The following TECTA variants were observed in gnomAD, a reference collection of about 807,000 sequenced individuals.
TECTA encodes the protein alpha-tectorin.
TECTA carries 128 observed loss-of-function variants against 216.8 expected under a neutral mutation model. The observed-to-expected ratio is 0.59, with a 90% CI of 0.51 to 0.68. TECTA has a LOEUF of 0.68. TECTA is among the 30% of genes least tolerant of loss of function. TECTA has a pLI of 0.00. For missense variants in TECTA, 2,551 were observed against 2,786.2 expected (o/e 0.92, Z 1.90); for synonymous variants, 1,089 against 1,117.1 (o/e 0.97, Z 0.50).
chr11:121,172,488 T>G (rs1017702782), intron 20 of TECTA, among the ~76,000 whole-genome samples: 5 of 152,144 alleles, frequency 3.3e-5, no homozygotes, highest in Non-Finnish European at 7.3e-5. Context: ...GATTTCCAAT[T>G]TCATCCATGT....
In TECTA at chr11:121,153,895, C is replaced by T. The variant is rs11606263; in HGVS notation, c.4305+815C>T. ...AGCCCATTCTCTGTTTAAATGATAT[C>T]AAAACCATATGTTGGCAAGTTAGAT... On this transcript the variant is annotated intron_variant, in intron 13 of 23. Coordinates refer to ENST00000392793, the MANE Select transcript of TECTA (RefSeq NM_005422.4). Among the ~76,000 whole-genome samples, 1,321 of 152,274 alleles carry T rather than the reference C, an allele frequency of 8.7e-3. 24 individuals are homozygous for T. The highest frequency in any genetic ancestry group is 0.03 in the African/African-American group (1,251 of 41,544).
chr11:121,137,500 C>T lies in TECTA; in HGVS notation c.3021C>T (p.Pro1007=), dbSNP rs555484808. ...CCTGTGAGACCCTTACCCTGGGCCCCATCTGCGTGGATAGCTGCTCTGAGG... is the reference window on the plus strand; with the variant it reads ...CCTGTGAGACCCTTACCCTGGGCCCTATCTGCGTGGATAGCTGCTCTGAGG... ...TETCETLTLG[P]ICVDSCSEGC... is the part of the protein sequence containing the mutation. Residue 1007 remains proline (P), a synonymous_variant, in exon 11 of 24, where the codon CCC becomes CCT. Transcript: ENST00000392793. 1.1e-5 allele frequency: 17 copies of T among 1,613,964 alleles called. No homozygotes were observed. In the African/African-American group the frequency reaches 1.3e-4, roughly 13 times the overall value.
intron 13 of TECTA, among the ~76,000 whole-genome samples, chr11:121,155,989 T>C (rs1415623274): frequency 6.6e-6 from 1 of 152,214 alleles, no homozygotes; most frequent in African/African-American, 2.4e-5. Flanking sequence ...GAGGATACGC[T>C]ATGTTGTAGG....
At position 121,190,912 on chromosome 11, in the gene TECTA, A is replaced by G; in HGVS notation, c.*106A>G. On this transcript the variant is annotated 3_prime_UTR_variant, in exon 24 of 24. Coordinates refer to ENST00000392793, the MANE Select transcript of TECTA (RefSeq NM_005422.4). Reference sequence around the variant, plus strand: ...CAAAACCTATTTGAAAGTGTCCAGCATCTCAAAATGATGCCACCTGCCTCC... The same window carrying G: ...CAAAACCTATTTGAAAGTGTCCAGCGTCTCAAAATGATGCCACCTGCCTCC... The G allele has an allele frequency of 2.3e-6, 2 of 880,902 alleles. No homozygotes were observed. The highest frequency in any genetic ancestry group is 2.8e-5 in the East Asian group (1 of 35,362). The allele number at this position is 880,902 out of a possible 1,614,324, so 54.6% of individuals were successfully genotyped here. A position where few individuals can be genotyped will look rare whatever the true frequency, so the allele number is the denominator to read the frequency against.
intron 3 of TECTA, 152 bp downstream of exon 3, chr11:121,106,116 G>A: frequency 8.2e-7 from 1 of 1,217,902 alleles, no homozygotes; most frequent in Non-Finnish European, 1.2e-6. Context: ...TGAGCTGATA[G>A]GTTTTATGAA....
rs150564356 is a variant in TECTA at position 121,129,844 on chromosome 11, C to T, written c.2574C>T (p.Asp858=). Residue 858 remains aspartate, a synonymous_variant, in exon 10 of 24, where the codon GAC becomes GAT. Transcript: ENST00000392793. ...LCGFYNANAS[D]EFCLPNGKCT... is the part of the protein sequence containing the mutation. ...GCTTCTACAATGCCAACGCCAGTGA[C>T]GAGTTCTGTCTCCCCAACGGCAAGT... 6.1e-5 allele frequency: 99 copies of T among 1,614,108 alleles called. No individual in the cohort carries two copies. The highest frequency in any genetic ancestry group is 2.6e-4 in the South Asian group (24 of 91,088).
In TECTA at chr11:121,125,366, G is replaced by A; in HGVS notation, c.1268G>A (p.Ser423Asn). 6.2e-7 allele frequency: 1 copy of A among 1,614,194 alleles called. No individual in the cohort carries two copies. The highest frequency in any genetic ancestry group is 8.5e-7 in the Non-Finnish European group (1 of 1,180,046). ...TTGGGGACAGTGAAAATCTACCAGA[G>A]TGGCATATCTACTGCCGTGGAAACA... ...LDLGTVKIYQ[S>N]GISTAVETDF... Residue 423 changes from serine (S) to asparagine (N), a missense_variant, in exon 8 of 24, where the codon AGT becomes AAT. Ser to Asn is a conservative substitution (Grantham distance 46). This residue lies in a region of TECTA where 2,375 missense variants were observed against 2,563.9 expected (regional missense o/e 0.93). Coordinates refer to ENST00000392793, the MANE Select transcript of TECTA (RefSeq NM_005422.4).
chr11:121,165,286 A>C lies in TECTA; in HGVS notation c.5286A>C (p.Glu1762Asp). ...IEKENCSGVV[E>D]DPCVGADCPN... ...TTTTCTTTTTAGCAGGAGTGGTTGA[A>C]GATCCCTGTGTGGGGGCGGACTGTC... Residue 1762 changes from glutamate (E) to aspartate (D), a missense_variant, in exon 17 of 24, where the codon GAA (glutamate) becomes GAC (aspartate). Transcript: ENST00000392793. 6.2e-7 allele frequency: 1 copy of C among 1,605,366 alleles called. No individual in the cohort carries two copies. The highest frequency in any genetic ancestry group is 8.5e-7 in the Non-Finnish European group (1 of 1,175,928).
At chr11:121,169,182 C>T (rs560995030) in intron 20 of TECTA, among the ~76,000 whole-genome samples, 38 of 152,190 alleles carry the variant, frequency 2.5e-4, no homozygotes, top group Non-Finnish European at 4.9e-4. Context: ...GTGGCATTAA[C>T]TACAGATGCT....
intron 12 of TECTA, among the ~76,000 whole-genome samples, chr11:121,147,226 T>C (rs1435305911): frequency 2.6e-5 from 4 of 152,214 alleles, no homozygotes; most frequent in Admixed American, 2.6e-4. Context: ...AAATTGATCC[T>C]GAATGCATAG....
chr11:121,178,981 T>G (rs7129267), intron 20 of TECTA, among the ~76,000 whole-genome samples: 31,736 of 152,048 alleles, frequency 0.21, 3,756 homozygotes, highest in Non-Finnish European at 0.27. Flanking sequence ...CTCTCTTTTT[T>G]CCCCTTAAGT....
chr11:121,103,457 A>G (rs1217369326), intron 2 of TECTA, among the ~76,000 whole-genome samples: 1 of 152,186 alleles, frequency 6.6e-6, no homozygotes, highest in Non-Finnish European at 1.5e-5. Flanking sequence ...GTGCAGTGCT[A>G]ATATTTTTCC....
intron 6 of TECTA, among the ~76,000 whole-genome samples, chr11:121,114,520 TAGA>T (rs1228940484): frequency 2.0e-5 from 3 of 152,300 alleles, no homozygotes; most frequent in South Asian, 2.1e-4. Flanking sequence ...CTACAGAAAT[TAGA>T]AGAAGGAAAT....
chr11:121,152,798 T>A, intron 12 of TECTA, 83 bp from the exon 13 acceptor site: 1 of 1,449,930 alleles, frequency 6.9e-7, no homozygotes, highest in East Asian at 2.3e-5. Context: ...TTCATCTCCC[T>A]GAGTAGGTGA....
chr11:121,128,214 G>T lies in TECTA; in HGVS notation c.2237G>T (p.Arg746Leu). 3 of 1,604,004 alleles carry T rather than the reference G, an allele frequency of 1.9e-6. No homozygotes were observed. Among genetic ancestry groups the T allele is most frequent in the East Asian group, 2.2e-5 (1 of 44,864 alleles). The stretch of plus-strand genomic sequence containing the variant: ...ACCCTCCTGAAGACCTGCCCTGAGC[G>T]CCCAGAGTACTTGGAAATCGACATC... ...SYTLLKTCPE[R>L]PEYLEIDINK... The change falls in exon 9 of 24, where the codon CGC becomes CTC. Residue 746 changes from arginine (R) to leucine (L), a missense_variant. Transcript: ENST00000392793.
chr11:121,106,487 A>G (rs976423723), intron 3 of TECTA, among the ~76,000 whole-genome samples: 2 of 152,142 alleles, frequency 1.3e-5, no homozygotes, highest in South Asian at 2.1e-4. Flanking sequence ...TCATCGCCCA[A>G]CCCACACTAA....
intron 7 of TECTA, 79 bp from the exon 8 acceptor site, chr11:121,125,223 C>A: frequency 1.4e-6 from 2 of 1,444,498 alleles, no homozygotes; most frequent in Non-Finnish European, 1.9e-6. Flanking sequence ...AGTTGCTTTG[C>A]CTTCCTTTCC....
intron 8 of TECTA, among the ~76,000 whole-genome samples, chr11:121,126,076 C>T (rs1946609136): frequency 6.6e-6 from 1 of 152,216 alleles, no homozygotes; most frequent in Non-Finnish European, 1.5e-5. Context: ...AACAAGAACC[C>T]ATTGATGAAC....
chr11:121,118,797 C>T, intron 7 of TECTA, 79 bp downstream of exon 7: 8 of 1,549,742 alleles, frequency 5.2e-6, no homozygotes, highest in Non-Finnish European at 7.1e-6. Context: ...CCCAGATCTA[C>T]TGGTTCTGCT....
Sources: allele counts gnomAD v4.1 joint callset (sites outside exome capture counted in the v4.1 genomes callset), GRCh38; gene constraint gnomAD v4.1.1; regional missense constraint gnomAD v4.1.1; transcripts MANE v1.5; gene names NCBI Gene and HGNC (gene_info 2026-07-23, HGNC 2026-07-21).